The following RO60 variants were observed in gnomAD, a reference collection of about 807,000 sequenced individuals.
RO60 encodes the protein Ro60, Y RNA binding protein, also known as RNA-binding protein RO60.
RO60 carries 20 observed loss-of-function variants against 55.3 expected under a neutral mutation model. That is an observed-to-expected ratio of 0.36 (90% CI 0.25 to 0.53). RO60 has a LOEUF of 0.53. Ranked by LOEUF, RO60 falls within the 20% of genes least tolerant of loss-of-function variation. RO60 has a pLI of 0.92. For missense variants in RO60, 558 were observed against 646.6 expected (o/e 0.86, Z 1.49); for synonymous variants, 213 against 213.6 (o/e 1.00, Z 0.02).
Position 193,087,891 on chromosome 1 carries a change from T to C in RO60, c.*3160T>C, listed in dbSNP as rs1674684545. ...GAGTAGAAAAATTTAGAAGAAAAAT[T>C]TTCACAGCTAAAGTATTACCCAAAA... On this transcript the variant is annotated 3_prime_UTR_variant, in exon 9 of 9. Transcript: ENST00000400968. 6.6e-6 allele frequency: 1 copy of C among 152,016 alleles called. No individual in the cohort carries two copies. Among genetic ancestry groups the C allele is most frequent in the African/African-American group, 2.4e-5 (1 of 41,380 alleles). The allele number at this position is 152,016 out of a possible 1,614,324, so 9.4% of individuals were successfully genotyped here.
At chr1:193,072,306 C>T (rs994848247) in intron 2 of RO60, among the ~76,000 whole-genome samples, 1 of 152,098 alleles carries the variant, frequency 6.6e-6, no homozygotes, top group Non-Finnish European at 1.5e-5. Flanking sequence ...GCCTGGCCCT[C>T]AGCAAATATT....
chr1:193,070,634 G>A (rs1451538602), intron 2 of RO60: 2 of 440,046 alleles, frequency 4.5e-6, no homozygotes, highest in African/African-American at 4.0e-5. Context: ...GTTAAGCTGA[G>A]TTTCTGACCT....
At chr1:193,074,295 C>T (rs1400246854) in intron 2 of RO60, among the ~76,000 whole-genome samples, 1 of 152,156 alleles carries the variant, frequency 6.6e-6, no homozygotes, top group African/African-American at 2.4e-5. Context: ...AGTTCTAGAT[C>T]CCTGAGGAAT....
At position 193,084,695 on chromosome 1, in the gene RO60, G is replaced by A. The variant is rs779684713; in HGVS notation, c.1581G>A (p.Leu527=). 2 of 1,613,490 alleles carry A rather than the reference G, an allele frequency of 1.2e-6. No homozygotes were observed. The highest frequency in any genetic ancestry group is 1.7e-6 in the Non-Finnish European group (2 of 1,179,770). ...LDMCGFDTGA[L]DVIRNFTLDM... is the part of the protein sequence containing the mutation. ...TGTGCGGCTTTGATACTGGAGCTCT[G>A]GATGTAATTCGAAATTTCACATTAG... is the stretch of plus-strand genomic sequence containing the variant. The change falls in exon 9 of 9, where the codon CTG becomes CTA. Residue 527 remains leucine, a synonymous_variant. Transcript: ENST00000400968.
chr1:193,072,576 G>T (rs192944442), intron 2 of RO60, among the ~76,000 whole-genome samples: 237 of 151,730 alleles, frequency 1.6e-3, no homozygotes, highest in Non-Finnish European at 3.1e-3. Context: ...TTTATCTGTG[G>T]TTTTTTCCTA....
rs1196988455 is a variant in RO60 at position 193,059,633 on chromosome 1, C to G, written c.-165C>G. 2 of 1,401,248 alleles carry G rather than the reference C, an allele frequency of 1.4e-6. No homozygotes were observed. The highest frequency in any genetic ancestry group is 1.1e-5 in the South Asian group (1 of 87,314). The allele number at this position is 1,401,248 out of a possible 1,614,324, so 86.8% of individuals were successfully genotyped here. A position where few individuals can be genotyped will look rare whatever the true frequency, so the allele number is the denominator to read the frequency against. ...CAGGACTCGTTCCCGGGAACCGAACCTGGAATCCCCGGCGGCAGTGGGGCT... is the reference window on the plus strand; with the variant it reads ...CAGGACTCGTTCCCGGGAACCGAACGTGGAATCCCCGGCGGCAGTGGGGCT... On this transcript the variant is annotated 5_prime_UTR_variant, in exon 1 of 9. Coordinates refer to ENST00000400968, the MANE Select transcript of RO60 (RefSeq NM_001173524.2). This position sits in a 1 kb window ranked among gnomAD's most constrained non-coding sequence, Gnocchi z 4.9.
intron 1 of RO60, among the ~76,000 whole-genome samples, chr1:193,061,336 T>C (rs866718592): frequency 1.3e-5 from 2 of 152,250 alleles, no homozygotes; most frequent in South Asian, 4.1e-4. Context: ...TTTTCTATTG[T>C]TGTTTCTTTA....
Position 193,059,886 on chromosome 1 carries a change from G to T in RO60, c.-22+110G>T, listed in dbSNP as rs762682649. The T allele has an allele frequency of 2.9e-6, 4 of 1,365,242 alleles. No homozygotes were observed. The East Asian group carries it at 1.8e-4, about 62-fold the overall frequency. 84.6% of individuals were successfully genotyped at this position (1,365,242 alleles called of 1,614,324 possible). ...ACCCGCATCCCAGGGGTTGAGGCTGGGCAAACGCCGCGAAACTATCGCTCT... is the reference window on the plus strand; with the variant it reads ...ACCCGCATCCCAGGGGTTGAGGCTGTGCAAACGCCGCGAAACTATCGCTCT... On this transcript the variant is annotated intron_variant, in intron 1 of 8. Transcript: ENST00000400968. This position sits in a 1 kb window ranked among gnomAD's most constrained non-coding sequence, Gnocchi z 4.9.
intron 2 of RO60, among the ~76,000 whole-genome samples, chr1:193,070,344 G>C (rs1673401094): frequency 1.3e-5 from 2 of 152,090 alleles, no homozygotes; most frequent in Non-Finnish European, 2.9e-5. Flanking sequence ...TTGTCTTCAG[G>C]CAGTTAGTCA....
chr1:193,064,340 T>A (rs1266782754), intron 1 of RO60, among the ~76,000 whole-genome samples: 2 of 152,184 alleles, frequency 1.3e-5, no homozygotes, highest in African/African-American at 4.8e-5. Context: ...TGAAGCTACC[T>A]AGGGGCCCAT....
intron 1 of RO60, among the ~76,000 whole-genome samples, chr1:193,066,536 C>T (rs1673119734): frequency 6.6e-6 from 1 of 152,178 alleles, no homozygotes; most frequent in Non-Finnish European, 1.5e-5. Flanking sequence ...TTTGAAATTA[C>T]CAACCATTCA....
chr1:193,085,541 C>T lies in RO60; in HGVS notation c.*810C>T. ...ATAATAACATAGCCAGATGTAGTCT[C>T]ACACTGTTTTTCATACTCTTAAGTG... is the stretch of plus-strand genomic sequence containing the variant. On this transcript the variant is annotated 3_prime_UTR_variant, in exon 9 of 9. Coordinates refer to ENST00000400968, the MANE Select transcript of RO60 (RefSeq NM_001173524.2). 1.0e-6 allele frequency: 1 copy of T among 984,612 alleles called. No individual in the cohort carries two copies. The highest frequency in any genetic ancestry group is 1.2e-6 in the Non-Finnish European group (1 of 829,622). 61.0% of individuals were successfully genotyped at this position (984,612 alleles called of 1,614,324 possible).
intron 1 of RO60, among the ~76,000 whole-genome samples, chr1:193,060,746 G>A (rs1026125829): frequency 6.6e-6 from 1 of 152,094 alleles, no homozygotes; most frequent in African/African-American, 2.4e-5. Flanking sequence ...AATTTTTTTT[G>A]TAACTTTCTT....
At position 193,086,034 on chromosome 1, in the gene RO60, T is replaced by C; in HGVS notation, c.*1303T>C. 1.0e-6 allele frequency: 1 copy of C among 984,926 alleles called. No individual in the cohort carries two copies. The highest frequency in any genetic ancestry group is 1.2e-6 in the Non-Finnish European group (1 of 829,476). 61.0% of individuals were successfully genotyped at this position (984,926 alleles called of 1,614,324 possible). A position where few individuals can be genotyped will look rare whatever the true frequency, so the allele number is the denominator to read the frequency against. ...ATGGCCGTCTAAGGTAGCTTACACATAAAACCTGTTTGCGTATCTGTTGTT... is the reference window on the plus strand; with the variant it reads ...ATGGCCGTCTAAGGTAGCTTACACACAAAACCTGTTTGCGTATCTGTTGTT... On this transcript the variant is annotated 3_prime_UTR_variant, in exon 9 of 9. Transcript: ENST00000400968.
rs1674778781 is a variant in RO60, at chr1:193,089,787, A to G, written c.*5056A>G. 6.6e-6 allele frequency: 1 copy of G among 151,400 alleles called. No individual in the cohort carries two copies. Among genetic ancestry groups the G allele is most frequent in the African/African-American group, 2.4e-5 (1 of 41,242 alleles). The allele number at this position is 151,400 out of a possible 1,614,324, so 9.4% of individuals were successfully genotyped here. A position where few individuals can be genotyped will look rare whatever the true frequency, so the allele number is the denominator to read the frequency against. On this transcript the variant is annotated 3_prime_UTR_variant, in exon 9 of 9. Transcript: ENST00000400968. ...CATGCACCACATTAATTTTATGAAC[A>G]TAAATGATATTTAACTTTTCTTTTT...
chr1:193,064,639 T>C (rs1306784050), intron 1 of RO60, among the ~76,000 whole-genome samples: 1 of 152,204 alleles, frequency 6.6e-6, no homozygotes, highest in East Asian at 1.9e-4. Context: ...AATAATGTTA[T>C]CTGTTCCACT....
At chr1:193,077,515 A>T (rs1674007128) in intron 5 of RO60, among the ~76,000 whole-genome samples, 2 of 152,282 alleles carry the variant, frequency 1.3e-5, no homozygotes, top group South Asian at 4.1e-4. Context: ...GATGAGCATA[A>T]GGGGGGAAGC....
downstream of RO60, chr1:193,091,636 T>C (rs1674862949): frequency 6.2e-7 from 1 of 1,605,212 alleles, no homozygotes; most frequent in Non-Finnish European, 8.5e-7. Flanking sequence ...GTGAAATCCT[T>C]TCTCTCCTTT....
chr1:193,080,728 G>GA (rs1316444558), intron 5 of RO60, among the ~76,000 whole-genome samples: 1 of 152,064 alleles, frequency 6.6e-6, no homozygotes, highest in Non-Finnish European at 1.5e-5. Flanking sequence ...GATAAATCTC[G>GA]AAAAGATTAT....
Sources: allele counts gnomAD v4.1 joint callset (sites outside exome capture counted in the v4.1 genomes callset), GRCh38; gene constraint gnomAD v4.1.1; non-coding constraint Gnocchi (gnomAD v3.1); transcripts MANE v1.5; gene names NCBI Gene and HGNC (gene_info 2026-07-23, HGNC 2026-07-21).